The following SKAP1 variants were observed in gnomAD, a reference collection of about 807,000 sequenced individuals.
SKAP1 encodes the protein src kinase-associated phosphoprotein 1.
SKAP1 carries 44 observed loss-of-function variants against 58.5 expected under a neutral mutation model. The observed-to-expected ratio is 0.75, with a 90% CI of 0.59 to 0.97. The LOEUF (loss-of-function observed/expected upper bound fraction) is 0.97. Among genes scored for constraint, SKAP1 ranks in the 50% least tolerant of loss-of-function variants. The probability of loss-of-function intolerance (pLI) is 0.00; values close to 1 mark genes in which losing one functional copy is unlikely to be tolerated. For missense variants in SKAP1, 390 were observed against 435.2 expected (o/e 0.90, Z 0.92); for synonymous variants, 127 against 149.7 (o/e 0.85, Z 1.11).
At chr17:48,356,592 T>C (rs898929634) in intron 3 of SKAP1, among the ~76,000 whole-genome samples, 3 of 152,172 alleles carry the variant, frequency 2.0e-5, no homozygotes, top group Non-Finnish European at 4.4e-5. Flanking sequence ...TATGTATTTT[T>C]TTCCTCTTTT....
chr17:48,333,617 A>G (rs997108240), intron 4 of SKAP1, among the ~76,000 whole-genome samples: 17 of 152,114 alleles, frequency 1.1e-4, no homozygotes, highest in African/African-American at 3.9e-4. Flanking sequence ...CAAGCCATAT[A>G]TATTGCCTCT....
chr17:48,388,866 C>T (rs2067310923), intron 2 of SKAP1, among the ~76,000 whole-genome samples: 1 of 152,104 alleles, frequency 6.6e-6, no homozygotes, highest in Admixed American at 6.5e-5. Flanking sequence ...ACTTGGTAAA[C>T]GTGATAGAAG....
the SKAP1 span, among the ~76,000 whole-genome samples, chr17:48,443,745 G>A: frequency 1.3e-5 from 2 of 151,914 alleles, no homozygotes; most frequent in African/African-American, 4.8e-5. Context: ...CAAAATGTTG[G>A]GATTACAGGC....
chr17:48,277,042 A>T (rs552318271), intron 4 of SKAP1, among the ~76,000 whole-genome samples: 1 of 152,346 alleles, frequency 6.6e-6, no homozygotes, highest in Non-Finnish European at 1.5e-5. Flanking sequence ...AAATGTCTGC[A>T]CAATAATATG....
chr17:48,212,586 C>T (rs2064886934), intron 4 of SKAP1, among the ~76,000 whole-genome samples: 1 of 152,204 alleles, frequency 6.6e-6, no homozygotes, highest in African/African-American at 2.4e-5. Flanking sequence ...GTATACTTTT[C>T]CCTAACTCTA....
In SKAP1 at chr17:48,218,059, A is replaced by C. The variant is rs946934374; in HGVS notation, c.281-28559T>G. Among the ~76,000 whole-genome samples the C allele has an allele frequency of 3.3e-5, 5 of 152,234 alleles. No individual in the cohort carries two copies. The South Asian group carries it at 1.0e-3, about 31-fold the overall frequency. On this transcript the variant is annotated intron_variant, in intron 4 of 12. Transcript: ENST00000336915. ...AGGTACTAAGTATCACATTGTGTTA[A>C]TGTGCCAGCTTGCCACCTTTGGGAT...
chr17:48,349,492 A>G (rs1426803939), intron 3 of SKAP1, among the ~76,000 whole-genome samples: 1 of 152,176 alleles, frequency 6.6e-6, no homozygotes, highest in Non-Finnish European at 1.5e-5. Context: ...CTAACACATC[A>G]TATCTCCATT....
intron 4 of SKAP1, among the ~76,000 whole-genome samples, chr17:48,259,165 A>C (rs2065457969): frequency 6.6e-6 from 1 of 152,080 alleles, no homozygotes. Context: ...TTTTCAGAAT[A>C]ACCTATATTT....
chr17:48,325,197 G>A (rs559535674), intron 4 of SKAP1, among the ~76,000 whole-genome samples: 3 of 145,716 alleles, frequency 2.1e-5, no homozygotes, highest in Non-Finnish European at 3.0e-5. Context: ...TGCAGTGAGC[G>A]GAGAGCAGGC....
At chr17:48,284,692 A>T (rs746439243) in intron 4 of SKAP1, among the ~76,000 whole-genome samples, 2 of 152,314 alleles carry the variant, frequency 1.3e-5, no homozygotes, top group South Asian at 4.1e-4. Context: ...TTAACTAGAG[A>T]ACATATCTAT....
chr17:48,140,594 C>G (rs2063755693), intron 11 of SKAP1, among the ~76,000 whole-genome samples: 1 of 152,112 alleles, frequency 6.6e-6, no homozygotes, highest in South Asian at 2.1e-4. Flanking sequence ...TGTTCAAACT[C>G]AGTATGTCCT....
chr17:48,268,347 G>C (rs1329252240), intron 4 of SKAP1, among the ~76,000 whole-genome samples: 1 of 151,618 alleles, frequency 6.6e-6, no homozygotes, highest in Admixed American at 6.6e-5. Flanking sequence ...TCTAAAACTT[G>C]AGTACAGGCA....
At chr17:48,434,522 C>G (rs1027092180), upstream of SKAP1, among the ~76,000 whole-genome samples, 2 of 152,214 alleles carry the variant, frequency 1.3e-5, no homozygotes, top group African/African-American at 4.8e-5. Context: ...AGCTCACACT[C>G]CTAGATTCTC....
intron 4 of SKAP1, among the ~76,000 whole-genome samples, chr17:48,341,421 A>G (rs1458212709): frequency 6.6e-6 from 1 of 152,174 alleles, no homozygotes; most frequent in Non-Finnish European, 1.5e-5. Flanking sequence ...CTAGTCTATT[A>G]TTATTCATAA....
chr17:48,407,467 G>A (rs2067601811), intron 1 of SKAP1, among the ~76,000 whole-genome samples: 1 of 152,176 alleles, frequency 6.6e-6, no homozygotes, highest in Admixed American at 6.5e-5. Flanking sequence ...TTAATCACAA[G>A]TGCTTGGCTT....
intron 1 of SKAP1, among the ~76,000 whole-genome samples, chr17:48,414,254 A>G (rs1467336917): frequency 2.0e-5 from 3 of 152,208 alleles, no homozygotes; most frequent in Non-Finnish European, 4.4e-5. Flanking sequence ...AAGGCCTCTC[A>G]GAGAACTCAT....
chr17:48,309,268 AC>A, intron 4 of SKAP1, among the ~76,000 whole-genome samples: 1 of 148,728 alleles, frequency 6.7e-6, no homozygotes, highest in South Asian at 2.1e-4. Flanking sequence ...TTTTCATGTT[AC>A]TTTTCCACTA....
chr17:48,174,313 T>C (rs1248989143), intron 9 of SKAP1, among the ~76,000 whole-genome samples: 5 of 152,210 alleles, frequency 3.3e-5, no homozygotes, highest in African/African-American at 1.2e-4. Context: ...AGCCTTCCCA[T>C]TGATGGGCTT....
At chr17:48,154,968 G>A (rs189446470) in intron 11 of SKAP1, among the ~76,000 whole-genome samples, 2 of 151,610 alleles carry the variant, frequency 1.3e-5, no homozygotes, top group African/African-American at 4.8e-5. Context: ...GTTGAGGCAG[G>A]AGAACCGCTC....
Sources: allele counts gnomAD v4.1 joint callset (sites outside exome capture counted in the v4.1 genomes callset), GRCh38; gene constraint gnomAD v4.1.1; transcripts MANE v1.5; gene names NCBI Gene and HGNC (gene_info 2026-07-23, HGNC 2026-07-21).